The following ABHD18 variants were observed in gnomAD, a reference collection of about 807,000 sequenced individuals.
The protein encoded by ABHD18 is abhydrolase domain containing 18, also known as cardiolipin-specific deacylase, mitochondrial.
A neutral mutation model predicts 65.9 loss-of-function variants in ABHD18; 55 were observed. The observed-to-expected ratio is 0.84, with a 90% CI of 0.67 to 1.05. The LOEUF (loss-of-function observed/expected upper bound fraction) is 1.05. Ranked by LOEUF, ABHD18 falls within the 50% of genes least tolerant of loss-of-function variation. The pLI is 0.00. For missense variants in ABHD18, 533 were observed against 558.5 expected, an observed-to-expected ratio of 0.95 and a Z score of 0.46; for synonymous variants, 181 against 180.2, an observed-to-expected ratio of 1.00 and a Z score of -0.04.
intron 11 of ABHD18, among the ~76,000 whole-genome samples, chr4:128,029,331 T>C (rs990073226): frequency 2.8e-4 from 42 of 151,530 alleles, no homozygotes; most frequent in Non-Finnish European, 4.3e-4. Context: ...CTGCACTCCA[T>C]CCTGGGTGAC....
intron 2 of ABHD18, among the ~76,000 whole-genome samples, chr4:127,984,104 T>G (rs1749554042): frequency 6.6e-6 from 1 of 152,040 alleles, no homozygotes; most frequent in African/African-American, 2.4e-5. Flanking sequence ...TTGAGTCTTG[T>G]ATGTATTAAT....
intron 8 of ABHD18, among the ~76,000 whole-genome samples, chr4:128,019,027 A>G (rs1560912139): frequency 6.6e-6 from 1 of 152,000 alleles, no homozygotes; most frequent in Non-Finnish European, 1.5e-5. Flanking sequence ...AAAAAAAAAA[A>G]AAAAAATTCA....
At chr4:128,021,085 G>A (rs1756422151) in intron 9 of ABHD18, 52 bp from the exon 10 acceptor site, 1 of 1,069,210 alleles carries the variant, frequency 9.4e-7, no homozygotes, top group Non-Finnish European at 1.4e-6. Flanking sequence ...TAAAAGTATT[G>A]GGCAAATTGC....
Position 128,020,060 on chromosome 4 carries a change from CTCTA to C in ABHD18, c.610-16_610-13del, listed in dbSNP as rs1232526294. ...TGAATAGAAACTCTAAATAGACGCT[CTCTA>C]TCTGTTATATTACAGATGGCTTCCT... is the stretch of plus-strand genomic sequence containing the variant. On this transcript the variant is annotated splice_polypyrimidine_tract_variant and intron_variant, in intron 8 of 12. Transcript: ENST00000645843. 7.2e-6 allele frequency: 11 copies of C among 1,531,814 alleles called. No individual in the cohort carries two copies. Among genetic ancestry groups the C allele is most frequent in the Non-Finnish European group, 9.9e-6 (11 of 1,111,728 alleles). The allele number at this position is 1,531,814 out of a possible 1,614,324, so 94.9% of individuals were successfully genotyped here.
Position 128,017,366 on chromosome 4 carries a change from G to T in ABHD18, c.474G>T (p.Arg158Ser), listed in dbSNP as rs750162292. Residue 158 changes from arginine (R) to serine (S), a missense_variant, in exon 8 of 13, where the codon AGG becomes AGT. Physicochemically the swap from Arg to Ser is moderately radical, Grantham distance 110 (BLOSUM62 -1). Transcript: ENST00000645843. ...YGCRKPKDQVRSSLKNVSDLF... is the reference protein window; with the variant it reads ...YGCRKPKDQVSSSLKNVSDLF... Reference sequence around the variant, plus strand: ...CTATTTTGTTTTGTGAGGCTAGAAGGTCCAGCTTAAAAAATGTGTCCGACC... The same window carrying T: ...CTATTTTGTTTTGTGAGGCTAGAAGTTCCAGCTTAAAAAATGTGTCCGACC... The T allele has an allele frequency of 1.6e-5, 26 of 1,612,910 alleles. No individual in the cohort carries two copies. Among genetic ancestry groups the T allele is most frequent in the Non-Finnish European group, 2.2e-5 (26 of 1,179,648 alleles).
intron 4 of ABHD18, among the ~76,000 whole-genome samples, chr4:128,002,986 ATC>A (rs1268209696): frequency 6.6e-6 from 1 of 152,018 alleles, no homozygotes; most frequent in Non-Finnish European, 1.5e-5. Context: ...CTTATAATTT[ATC>A]TCTCTGAATT....
intron 1 of ABHD18, among the ~76,000 whole-genome samples, chr4:127,973,817 C>CAAAAAAAAAAAAAAAAAA (rs57170719): frequency 6.0e-5 from 1 of 16,610 alleles, no homozygotes; most frequent in Non-Finnish European, 1.4e-4. Flanking sequence ...TGATGAACAG[C>CAAAAAAAAAAAAAAAAAA]AAAAAAAAAA....
intron 3 of ABHD18, among the ~76,000 whole-genome samples, chr4:127,985,098 A>T (rs955590617): frequency 3.9e-5 from 6 of 152,342 alleles, no homozygotes; most frequent in Admixed American, 6.5e-5. Flanking sequence ...GAATCAGCAC[A>T]TAAGAAATTA....
At chr4:128,021,099 ATGATGTGGTT>A in intron 9 of ABHD18, 28 bp from the exon 10 acceptor site, 7 of 1,302,398 alleles carry the variant, frequency 5.4e-6, no homozygotes, top group Non-Finnish European at 7.5e-6. Context: ...AAATTGCCTT[ATGATGTGGTT>A]TGATCTTAAT....
At chr4:128,021,909 A>G (rs1262384234) in intron 10 of ABHD18, among the ~76,000 whole-genome samples, 1 of 152,162 alleles carries the variant, frequency 6.6e-6, no homozygotes, top group African/African-American at 2.4e-5. Context: ...AAATAATTTT[A>G]TTATCCAAAT....
At chr4:127,977,749 G>A (rs987924340) in intron 1 of ABHD18, among the ~76,000 whole-genome samples, 5 of 151,408 alleles carry the variant, frequency 3.3e-5, no homozygotes, top group Non-Finnish European at 4.4e-5. Flanking sequence ...AAAACTTGCA[G>A]GACAGAAGAA....
intron 1 of ABHD18, among the ~76,000 whole-genome samples, chr4:127,976,980 G>A (rs998715448): frequency 6.6e-6 from 1 of 151,960 alleles, no homozygotes; most frequent in Non-Finnish European, 1.5e-5. Context: ...GGCAGAGCTT[G>A]CAGTGAGCCA....
chr4:128,008,976 A>G lies in ABHD18; in HGVS notation c.335A>G (p.His112Arg), dbSNP rs1754092958. ...AGCAAATATAGACCTGTATGCATTC[A>G]TCTTGCTGGAACAGGAGATCATGTA... ...WNSKYRPVCI[H>R]LAGTGDHHYW... The change falls in exon 5 of 13, where the codon CAT becomes CGT. Residue 112 changes from histidine to arginine, a missense_variant. Transcript: ENST00000645843. 1 of 1,610,572 alleles carries G rather than the reference A, an allele frequency of 6.2e-7. No homozygotes were observed. The highest frequency in any genetic ancestry group is 8.5e-7 in the Non-Finnish European group (1 of 1,178,918).
At chr4:127,973,139 G>A (rs902160982) in intron 1 of ABHD18, among the ~76,000 whole-genome samples, 1 of 151,812 alleles carries the variant, frequency 6.6e-6, no homozygotes, top group Non-Finnish European at 1.5e-5. Flanking sequence ...TCAGCCTCCC[G>A]AGTAGGTGGG....
At chr4:128,024,066 T>C (rs575401344) in intron 10 of ABHD18, among the ~76,000 whole-genome samples, 135 of 152,328 alleles carry the variant, frequency 8.9e-4, no homozygotes, top group Admixed American at 2.2e-3. Flanking sequence ...ACAGAATATC[T>C]GAGACTGGGA....
At position 128,028,659 on chromosome 4, in the gene ABHD18, T is replaced by C; in HGVS notation, c.986T>C (p.Leu329Pro). The C allele has an allele frequency of 6.2e-7, 1 of 1,613,858 alleles. No homozygotes were observed. The highest frequency in any genetic ancestry group is 8.5e-7 in the Non-Finnish European group (1 of 1,179,856). ...KTSVSATSEG[L>P]LLQDTSKMKR... ...TCTGTCAGTGCGACATCAGAAGGACTCTTATTGCAAGATACCTCTAAGATG... is the reference window on the plus strand; with the variant it reads ...TCTGTCAGTGCGACATCAGAAGGACCCTTATTGCAAGATACCTCTAAGATG... Residue 329 changes from leucine (L) to proline (P), a missense_variant, in exon 11 of 13, where the codon CTC becomes CCC. Transcript: ENST00000645843.
intron 1 of ABHD18, among the ~76,000 whole-genome samples, chr4:127,978,340 A>G (rs573775950): frequency 2.6e-5 from 4 of 152,204 alleles, no homozygotes; most frequent in Non-Finnish European, 5.9e-5. Flanking sequence ...GAAGAAAAAT[A>G]CTCCATTTTA....
chr4:127,981,413 A>G (rs887165779), intron 1 of ABHD18, among the ~76,000 whole-genome samples: 1 of 151,710 alleles, frequency 6.6e-6, no homozygotes, highest in African/African-American at 2.4e-5. Flanking sequence ...ATAGTTAGAT[A>G]GATTTTTTAA....
chr4:128,035,769 A>G lies in ABHD18; in HGVS notation c.1351A>G (p.Ile451Val). 6.5e-7 allele frequency: 1 copy of G among 1,533,048 alleles called. No homozygotes were observed. Among genetic ancestry groups the G allele is most frequent in the Non-Finnish European group, 8.8e-7 (1 of 1,133,582 alleles). The allele number at this position is 1,533,048 out of a possible 1,614,324, so 95.0% of individuals were successfully genotyped here. A position where few individuals can be genotyped will look rare whatever the true frequency, so the allele number is the denominator to read the frequency against. Residue 451 changes from isoleucine (I) to valine (V), a missense_variant, in exon 13 of 13, where the codon ATC becomes GTC. Ile to Val is a conservative substitution (Grantham distance 29). Transcript: ENST00000645843. The stretch of plus-strand genomic sequence containing the variant: ...TTTCATATTTAATTTTAGACAAGCC[A>G]TCTATGATGCATTTGACCGCTTCCT... ...LFKQGLFRQA[I>V]YDAFDRFLHK...
Sources: allele counts gnomAD v4.1 joint callset (sites outside exome capture counted in the v4.1 genomes callset), GRCh38; gene constraint gnomAD v4.1.1; transcripts MANE v1.5; gene names NCBI Gene and HGNC (gene_info 2026-07-23, HGNC 2026-07-21).